The following MLLT3 variants were observed in gnomAD, a reference collection of about 807,000 sequenced individuals.
MLLT3 encodes MLLT3 super elongation complex subunit, also known as protein AF-9.
MLLT3 carries 4 observed loss-of-function variants against 53.2 expected under a neutral mutation model. The ratio of observed to expected loss-of-function variants is 0.08; its 90% CI spans 0.04 to 0.17. The LOEUF is 0.17. Among genes scored for constraint, MLLT3 ranks in the 10% least tolerant of loss-of-function variants. MLLT3 has a pLI of 1.00. For synonymous variants in MLLT3, 283 were observed against 230.6 expected, an observed-to-expected ratio of 1.23 and a Z score of -2.06; for missense variants, 569 against 684.0, an observed-to-expected ratio of 0.83 and a Z score of 1.87.
intron 2 of MLLT3, among the ~76,000 whole-genome samples, chr9:20,498,084 G>A (rs567004114): frequency 9.9e-5 from 15 of 151,472 alleles, no homozygotes; most frequent in East Asian, 5.8e-4. Flanking sequence ...TTAGCTGGGC[G>A]TGGTGGCATG....
chr9:20,343,985 T>G lies in MLLT3; in HGVS notation c.*2458A>C, dbSNP rs535114097. 2.1e-4 allele frequency: 42 copies of G among 202,968 alleles called. No homozygotes were observed. The highest frequency in any genetic ancestry group is 3.1e-4 in the Non-Finnish European group (31 of 99,074). The allele number at this position is 202,968 out of a possible 1,614,324, so 12.6% of individuals were successfully genotyped here. A position where few individuals can be genotyped will look rare whatever the true frequency, so the allele number is the denominator to read the frequency against. On this transcript the variant is annotated 3_prime_UTR_variant, in exon 11 of 11. Transcript: ENST00000380338. ...ACCACTTCAAAAAAAATAACGTAAC[T>G]CTCAGTCTTAATTTTGTGAAAAACT...
In MLLT3 at chr9:20,564,324, G is replaced by A. The variant is rs114115184; in HGVS notation, c.193+56330C>T. On this transcript the variant is annotated intron_variant, in intron 2 of 10. Coordinates refer to ENST00000380338, the MANE Select transcript of MLLT3 (RefSeq NM_004529.4). ...TGCACTTGAAATTCTTCCAGGGGAG[G>A]GAAAATGAGGAGACTTAGAAAAGAG... Among the ~76,000 whole-genome samples, 336 of 149,936 alleles carry A rather than the reference G, an allele frequency of 2.2e-3. 1 individual carries two copies. Among genetic ancestry groups the A allele is most frequent in the African/African-American group, 7.5e-3 (310 of 41,426 alleles).
intron 2 of MLLT3, among the ~76,000 whole-genome samples, chr9:20,561,642 C>A (rs1449012090): frequency 2.0e-5 from 3 of 152,174 alleles, no homozygotes; most frequent in Non-Finnish European, 4.4e-5. Context: ...AGATCCTTGA[C>A]TCCAACAGAC....
intron 2 of MLLT3, among the ~76,000 whole-genome samples, chr9:20,596,355 A>G (rs1820263601): frequency 6.6e-6 from 1 of 152,220 alleles, no homozygotes; most frequent in African/African-American, 2.4e-5. Flanking sequence ...CCCTATTTTC[A>G]TGACTGATTT....
At chr9:20,522,193 G>A (rs913560710) in intron 2 of MLLT3, among the ~76,000 whole-genome samples, 1 of 149,920 alleles carries the variant, frequency 6.7e-6, no homozygotes, top group African/African-American at 2.5e-5. Flanking sequence ...TACTACTGTA[G>A]TACAGAAACA....
At chr9:20,430,212 T>C (rs1021930124) in intron 4 of MLLT3, among the ~76,000 whole-genome samples, 5 of 152,246 alleles carry the variant, frequency 3.3e-5, no homozygotes, top group East Asian at 3.9e-4. Context: ...AATAAACTCA[T>C]TGAGAAACTA....
intron 2 of MLLT3, among the ~76,000 whole-genome samples, chr9:20,512,668 T>C (rs754052425): frequency 2.0e-5 from 3 of 152,248 alleles, no homozygotes; most frequent in Non-Finnish European, 2.9e-5. Flanking sequence ...AGTTCATTTA[T>C]TGTTTTTGGT....
At chr9:20,533,024 T>A in intron 2 of MLLT3, 1 of 273,736 alleles carries the variant, frequency 3.7e-6, no homozygotes, top group Non-Finnish European at 7.1e-6. Context: ...TGGTGGTGAC[T>A]GCACACAACA....
chr9:20,516,587 CTA>C lies in MLLT3; in HGVS notation c.194-59803_194-59802del, dbSNP rs760904118. On this transcript the variant is annotated intron_variant, in intron 2 of 10. Transcript: ENST00000380338. The stretch of plus-strand genomic sequence containing the variant: ...TATTTGCAATGTTGAGCAGAAACAT[CTA>C]TTTCTTTTTTATATCAAAGCTTATT... 1.2e-4 allele frequency among the ~76,000 whole-genome samples: 18 copies of C among 152,308 alleles called. 1 individual carries two copies. In the East Asian group the frequency reaches 2.7e-3, roughly 23 times the overall value.
intron 2 of MLLT3, among the ~76,000 whole-genome samples, chr9:20,597,582 G>A (rs1044379144): frequency 3.3e-5 from 5 of 152,000 alleles, no homozygotes; most frequent in Non-Finnish European, 7.4e-5. Flanking sequence ...TTCTTACTAT[G>A]TTTATTACTA....
At chr9:20,450,902 G>A (rs971467565) in intron 3 of MLLT3, among the ~76,000 whole-genome samples, 6 of 152,118 alleles carry the variant, frequency 3.9e-5, no homozygotes, top group African/African-American at 7.2e-5. Flanking sequence ...AAGCCTTTTT[G>A]GTAGACATCT....
chr9:20,604,873 T>C (rs1324593394), intron 2 of MLLT3, among the ~76,000 whole-genome samples: 3 of 152,148 alleles, frequency 2.0e-5, no homozygotes, highest in African/African-American at 4.8e-5. Flanking sequence ...GTTAAACTTT[T>C]ATTCACATAT....
intron 2 of MLLT3, among the ~76,000 whole-genome samples, chr9:20,517,600 G>A (rs1397438385): frequency 6.6e-6 from 1 of 152,154 alleles, no homozygotes; most frequent in Non-Finnish European, 1.5e-5. Context: ...ACTTTGGGAG[G>A]CTGAGGCAGA....
chr9:20,343,183 CAAAAAAAA>C lies in MLLT3; in HGVS notation c.*3252_*3259del, dbSNP rs71334526. The C allele has an allele frequency of 1.5e-3, 59 of 40,340 alleles. No individual in the cohort carries two copies. Among genetic ancestry groups the C allele is most frequent in the Admixed American group, 2.5e-3 (6 of 2,420 alleles). The allele number at this position is 40,340 out of a possible 1,614,324, so 2.5% of individuals were successfully genotyped here. On this transcript the variant is annotated 3_prime_UTR_variant, in exon 11 of 11. Transcript: ENST00000380338. ...TAGGTGGGCCTGTAAAAGATATCGG[CAAAAAAAA>C]AAAAAAAAAAAAAAAAAAAAAAATT... is the stretch of plus-strand genomic sequence containing the variant.
intron 2 of MLLT3, among the ~76,000 whole-genome samples, chr9:20,469,599 TGAATCTTAAAGTCAAAGA>T (rs1373853876): frequency 6.6e-6 from 1 of 151,932 alleles, no homozygotes; most frequent in Non-Finnish European, 1.5e-5. Flanking sequence ...TGCCAGTAGT[TGAATCTTAAAGTCAAAGA>T]GAAGAACACA....
chr9:20,604,794 G>C (rs566259053), intron 2 of MLLT3, among the ~76,000 whole-genome samples: 2 of 152,184 alleles, frequency 1.3e-5, no homozygotes, highest in East Asian at 3.9e-4. Context: ...TTCAGCCAAC[G>C]GAATGGATAA....
chr9:20,526,682 G>A (rs1398338475), intron 2 of MLLT3, among the ~76,000 whole-genome samples: 3 of 152,142 alleles, frequency 2.0e-5, no homozygotes, highest in African/African-American at 7.2e-5. Context: ...CACATTCCTA[G>A]GAGTAGAACA....
At chr9:20,575,452 G>A (rs908167652) in intron 2 of MLLT3, among the ~76,000 whole-genome samples, 2 of 152,064 alleles carry the variant, frequency 1.3e-5, no homozygotes, top group Admixed American at 1.3e-4. Context: ...TTTAAGGTTT[G>A]TGCAAAATTT....
chr9:20,621,853 C>A lies in MLLT3; in HGVS notation c.12+392G>T. On this transcript the variant is annotated intron_variant, in intron 1 of 10. Transcript: ENST00000380338. The surrounding 1 kb of genome is among the most constrained non-coding windows in gnomAD (Gnocchi z 7.0). ...GTCCCCGGACTGTGCCCGCAGCTCC[C>A]GGCGGCGGCGGCTGAAATATGGCTG... The A allele has an allele frequency of 1.5e-6, 2 of 1,372,248 alleles. No individual in the cohort carries two copies. The highest frequency in any genetic ancestry group is 1.9e-6 in the Non-Finnish European group (2 of 1,070,604). The allele number at this position is 1,372,248 out of a possible 1,614,324, so 85.0% of individuals were successfully genotyped here.
Sources: allele counts gnomAD v4.1 joint callset (sites outside exome capture counted in the v4.1 genomes callset), GRCh38; gene constraint gnomAD v4.1.1; non-coding constraint Gnocchi (gnomAD v3.1); transcripts MANE v1.5; gene names NCBI Gene and HGNC (gene_info 2026-07-23, HGNC 2026-07-21).